The following EPHA3 variants were observed in gnomAD, a reference collection of about 807,000 sequenced individuals.
EPHA3 encodes the protein EPH receptor A3.
EPHA3 carries 42 observed loss-of-function variants against 107.1 expected under a neutral mutation model. The observed-to-expected ratio is 0.39, with a 90% CI of 0.31 to 0.51. The LOEUF (loss-of-function observed/expected upper bound fraction) is 0.51. EPHA3 is among the 20% of genes least tolerant of loss of function. EPHA3 has a pLI of 0.78. For synonymous variants in EPHA3, 461 were observed against 424.8 expected, an observed-to-expected ratio of 1.09 and a Z score of -1.05; for missense variants, 1,183 against 1,211.2, an observed-to-expected ratio of 0.98 and a Z score of 0.35.
chr3:89,262,863 T>C (rs142413365), intron 3 of EPHA3, among the ~76,000 whole-genome samples: 5 of 151,786 alleles, frequency 3.3e-5, no homozygotes, highest in African/African-American at 1.2e-4. Flanking sequence ...CAGCAAGCCC[T>C]TTTGGGCGCC....
rs117950888 is a variant in EPHA3, at chr3:89,308,729, G to C, written c.815-32187G>C. 7.7e-4 allele frequency among the ~76,000 whole-genome samples: 117 copies of C among 152,088 alleles called. No individual in the cohort carries two copies. In the East Asian group the frequency reaches 0.022, roughly 28 times the overall value. ...AGTTGGTTATAGTCAGTATAAGTGGGGTGTTGAGATTTTGAAATAGTGGAA... is the reference window on the plus strand; with the variant it reads ...AGTTGGTTATAGTCAGTATAAGTGGCGTGTTGAGATTTTGAAATAGTGGAA... On this transcript the variant is annotated intron_variant, in intron 3 of 16. Transcript: ENST00000336596.
intron 3 of EPHA3, among the ~76,000 whole-genome samples, chr3:89,278,723 G>A (rs1237372212): frequency 6.6e-6 from 1 of 152,162 alleles, no homozygotes; most frequent in Admixed American, 6.6e-5. Flanking sequence ...TTTAAGATTT[G>A]TATATATAAG....
At chr3:89,225,985 A>G (rs1704492498) in intron 3 of EPHA3, among the ~76,000 whole-genome samples, 1 of 152,134 alleles carries the variant, frequency 6.6e-6, no homozygotes, top group African/African-American at 2.4e-5. Context: ...GCAAATAAAA[A>G]TATTCGTAGT....
At chr3:89,161,806 G>T (rs1288039031) in intron 2 of EPHA3, among the ~76,000 whole-genome samples, 1 of 151,762 alleles carries the variant, frequency 6.6e-6, no homozygotes, top group Admixed American at 6.6e-5. Flanking sequence ...GTGAAACCCT[G>T]TCTCTATGAA....
At chr3:89,125,778 A>T (rs541290755) in intron 1 of EPHA3, among the ~76,000 whole-genome samples, 4 of 151,822 alleles carry the variant, frequency 2.6e-5, no homozygotes, top group African/African-American at 9.6e-5. Flanking sequence ...AGTGATCAAG[A>T]GCCTTACTTT....
At chr3:89,373,100 T>C (rs1276254019) in intron 5 of EPHA3, among the ~76,000 whole-genome samples, 1 of 151,878 alleles carries the variant, frequency 6.6e-6, no homozygotes, top group African/African-American at 2.4e-5. Flanking sequence ...CACAAAATAG[T>C]TTTCACGCCA....
chr3:89,322,339 C>A (rs755227945), intron 3 of EPHA3, among the ~76,000 whole-genome samples: 1 of 152,008 alleles, frequency 6.6e-6, no homozygotes, highest in African/African-American at 2.4e-5. Context: ...ATAGCTCTAA[C>A]CTTTGACTTC....
intron 3 of EPHA3, among the ~76,000 whole-genome samples, chr3:89,311,874 T>C (rs1706773696): frequency 6.6e-6 from 1 of 152,080 alleles, no homozygotes; most frequent in African/African-American, 2.4e-5. Context: ...AATGTCTGAA[T>C]AATATCCTGG....
At chr3:89,161,076 G>A (rs1454370547) in intron 2 of EPHA3, among the ~76,000 whole-genome samples, 1 of 152,062 alleles carries the variant, frequency 6.6e-6, no homozygotes, top group African/African-American at 2.4e-5. Context: ...CTCACATCAC[G>A]CAGCTTCTAA....
chr3:89,156,064 A>G (rs185008389), intron 2 of EPHA3, among the ~76,000 whole-genome samples: 2 of 152,198 alleles, frequency 1.3e-5, no homozygotes, highest in East Asian at 3.9e-4. Flanking sequence ...CGATGTATTT[A>G]CTGGAGGCCG....
intron 3 of EPHA3, among the ~76,000 whole-genome samples, chr3:89,312,114 C>T (rs1706778187): frequency 6.6e-6 from 1 of 152,002 alleles, no homozygotes; most frequent in South Asian, 2.1e-4. Flanking sequence ...ACATTACTCC[C>T]TATGTATTTC....
intron 3 of EPHA3, among the ~76,000 whole-genome samples, chr3:89,322,767 G>A (rs1210065215): frequency 2.0e-5 from 3 of 152,094 alleles, no homozygotes; most frequent in Non-Finnish European, 4.4e-5. Flanking sequence ...GCTTTTACCA[G>A]CAAGTACAAA....
At chr3:89,155,892 T>C (rs1469700523) in intron 2 of EPHA3, among the ~76,000 whole-genome samples, 1 of 151,976 alleles carries the variant, frequency 6.6e-6, no homozygotes, top group Admixed American at 6.6e-5. Flanking sequence ...CGTACTGCAG[T>C]GGTAGGAGTA....
At chr3:89,313,299 G>C (rs1282382417) in intron 3 of EPHA3, among the ~76,000 whole-genome samples, 1 of 151,750 alleles carries the variant, frequency 6.6e-6, no homozygotes, top group African/African-American at 2.4e-5. Flanking sequence ...GACAAATTCT[G>C]CTATATGTTT....
chr3:89,219,999 G>A (rs559876033), intron 3 of EPHA3, among the ~76,000 whole-genome samples: 115 of 151,970 alleles, frequency 7.6e-4, no homozygotes, highest in Non-Finnish European at 1.1e-3. Flanking sequence ...TGAGCCACCG[G>A]GCAATGTTTA....
intron 7 of EPHA3, chr3:89,399,921 TA>T: frequency 9.5e-7 from 1 of 1,056,008 alleles, no homozygotes; most frequent in East Asian, 5.4e-5. Context: ...ACAGAGAGAA[TA>T]AGGATTTTCT....
chr3:89,185,223 G>A (rs190469405), intron 2 of EPHA3, among the ~76,000 whole-genome samples: 1 of 151,916 alleles, frequency 6.6e-6, no homozygotes, highest in East Asian at 1.9e-4. Context: ...TTTTCTCCTT[G>A]TCAAACATTT....
chr3:89,370,009 A>T (rs924374138), intron 5 of EPHA3, among the ~76,000 whole-genome samples: 1 of 150,648 alleles, frequency 6.6e-6, no homozygotes, highest in Non-Finnish European at 1.5e-5. Context: ...AGGAAACAGC[A>T]GGTGCTGGAG....
intron 2 of EPHA3, among the ~76,000 whole-genome samples, chr3:89,182,815 G>C (rs1226817469): frequency 1.3e-5 from 2 of 151,190 alleles, no homozygotes; most frequent in Non-Finnish European, 3.0e-5. Flanking sequence ...CTTTGAAAGA[G>C]AACATTAAAA....
Sources: allele counts gnomAD v4.1 joint callset (sites outside exome capture counted in the v4.1 genomes callset), GRCh38; gene constraint gnomAD v4.1.1; transcripts MANE v1.5; gene names NCBI Gene and HGNC (gene_info 2026-07-23, HGNC 2026-07-21).